Variants in C12orf56 observed in about 807,000 individuals in gnomAD.
The protein encoded by C12orf56 is uncharacterized protein C12orf56.
A neutral mutation model predicts 69.9 loss-of-function variants in C12orf56; 71 were observed. The ratio of observed to expected loss-of-function variants is 1.02; its 90% CI spans 0.84 to 1.24. The LOEUF is 1.24. Ranked by LOEUF, C12orf56 falls within the 50% of genes most tolerant of loss-of-function variation. The probability of loss-of-function intolerance (pLI) is 0.00; values close to 1 mark genes in which losing one functional copy is unlikely to be tolerated. For missense variants in C12orf56, 732 were observed against 738.5 expected (o/e 0.99, Z 0.10); for synonymous variants, 276 against 274.1 (o/e 1.01, Z -0.07).
chr12:64,279,214 C>G (rs1007426203), intron 8 of C12orf56, among the ~76,000 whole-genome samples: 4 of 152,134 alleles, frequency 2.6e-5, no homozygotes, highest in African/African-American at 9.7e-5. Context: ...GCCTCCACAC[C>G]CAACTCCACC....
chr12:64,389,841 G>A (rs1289312427), intron 1 of C12orf56, among the ~76,000 whole-genome samples: 1 of 151,946 alleles, frequency 6.6e-6, no homozygotes, highest in Non-Finnish European at 1.5e-5. Context: ...TCTAAGCATC[G>A]GGGGCAAAAA....
At chr12:64,356,174 A>AC (rs201550782) in intron 1 of C12orf56, among the ~76,000 whole-genome samples, 37 of 146,678 alleles carry the variant, frequency 2.5e-4, no homozygotes, top group East Asian at 1.6e-3. Flanking sequence ...CCATCTCAAA[A>AC]AAAAAAAAAA....
intron 8 of C12orf56, among the ~76,000 whole-genome samples, chr12:64,279,463 A>G (rs1319940690): frequency 6.6e-6 from 1 of 152,212 alleles, no homozygotes; most frequent in African/African-American, 2.4e-5. Context: ...TTTGAGGGGT[A>G]GGAGTAGTAA....
At chr12:64,328,694 AAAAAAAAAAAAAATATATATAT>A (rs1255530733) in intron 3 of C12orf56, among the ~76,000 whole-genome samples, 49 of 18,024 alleles carry the variant, frequency 2.7e-3, no homozygotes, top group African/African-American at 9.4e-3. Context: ...AAAAAAAAAA[AAAAAAAAAAAAAATATATATAT>A]ATATATATAT....
Position 64,277,713 on chromosome 12 carries a change from A to G in C12orf56, c.1401T>C (p.Asp467=), listed in dbSNP as rs2038070880. The G allele has an allele frequency of 6.3e-6, 10 of 1,596,478 alleles. No homozygotes were observed. The highest frequency in any genetic ancestry group is 1.7e-4 in the Middle Eastern group (1 of 5,994). Reference sequence around the variant, plus strand: ...CAAAAGACATTCTGACTAAAGCTGAATCAGCCACCAACTGGATATCAAACA... The same window carrying G: ...CAAAAGACATTCTGACTAAAGCTGAGTCAGCCACCAACTGGATATCAAACA... ...CPVFDIQLVA[D]SALVRMSFDA... is the part of the protein sequence containing the mutation. Residue 467 remains aspartate, a synonymous_variant, in exon 9 of 13, where the codon GAT becomes GAC. Transcript: ENST00000543942.
At chr12:64,284,563 T>C (rs2038174532) in intron 8 of C12orf56, 101 bp downstream of exon 8, 2 of 768,868 alleles carry the variant, frequency 2.6e-6, no homozygotes, top group Non-Finnish European at 4.0e-6. Context: ...GGAAGGGTGT[T>C]GAACAGGGAA....
At chr12:64,297,865 T>G (rs1289747493) in intron 6 of C12orf56, among the ~76,000 whole-genome samples, 3 of 152,242 alleles carry the variant, frequency 2.0e-5, no homozygotes, top group Non-Finnish European at 2.9e-5. Context: ...TGTGTCTTTA[T>G]AGCAACGTGA....
chr12:64,303,862 T>A, intron 5 of C12orf56, 83 bp from the exon 6 acceptor site: 4 of 1,374,914 alleles, frequency 2.9e-6, no homozygotes, highest in Non-Finnish European at 3.9e-6. Flanking sequence ...CTGTCAGGTT[T>A]GTTAAACTTT....
In C12orf56 at chr12:64,352,949, G is replaced by A. The variant is rs1386538659; in HGVS notation, c.360C>T (p.Asn120=). The A allele has an allele frequency of 6.2e-7, 1 of 1,613,146 alleles. No individual in the cohort carries two copies. Among genetic ancestry groups the A allele is most frequent in the East Asian group, 2.2e-5 (1 of 44,846 alleles). ...TVLKKECKKS[N]SVRKFLFPFH... is the part of the protein sequence containing the mutation. ...ATGGAAATAGGAATTTCCTGACACTGTTTGACTTTTTACACTCTTTTTTCA... is the reference window on the plus strand; with the variant it reads ...ATGGAAATAGGAATTTCCTGACACTATTTGACTTTTTACACTCTTTTTTCA... Residue 120 remains asparagine (N), a synonymous_variant, in exon 2 of 13, where the codon AAC becomes AAT. Coordinates refer to ENST00000543942, the MANE Select transcript of C12orf56 (RefSeq NM_001170633.2).
chr12:64,335,825 G>C lies in C12orf56; in HGVS notation c.416-4793C>G, dbSNP rs569627689. On this transcript the variant is annotated intron_variant, in intron 2 of 12. Coordinates refer to ENST00000543942, the MANE Select transcript of C12orf56 (RefSeq NM_001170633.2). Reference sequence around the variant, plus strand: ...AATATTGAGCTTGCTTTGTTCAGATGACCGAGTTGATTGGACCATGGGCAC... The same window carrying C: ...AATATTGAGCTTGCTTTGTTCAGATCACCGAGTTGATTGGACCATGGGCAC... Among the ~76,000 whole-genome samples, 3 of 152,258 alleles carry C rather than the reference G, an allele frequency of 2.0e-5. No individual in the cohort carries two copies. In the East Asian group the frequency reaches 5.8e-4, roughly 29 times the overall value.
At chr12:64,281,864 A>G (rs2038133341) in intron 8 of C12orf56, among the ~76,000 whole-genome samples, 1 of 152,212 alleles carries the variant, frequency 6.6e-6, no homozygotes, top group East Asian at 1.9e-4. Context: ...AAAACCCCAT[A>G]AAAACAATAC....
At chr12:64,384,950 A>G (rs1350067290) in intron 1 of C12orf56, among the ~76,000 whole-genome samples, 1 of 151,690 alleles carries the variant, frequency 6.6e-6, no homozygotes, top group Non-Finnish European at 1.5e-5. Flanking sequence ...GCTACCCGAG[A>G]GGCTGAGGCA....
chr12:64,356,172 A>G (rs2039312078), intron 1 of C12orf56, among the ~76,000 whole-genome samples: 1 of 103,750 alleles, frequency 9.6e-6, no homozygotes, highest in African/African-American at 3.7e-5. Context: ...CTCCATCTCA[A>G]AAAAAAAAAA....
intron 2 of C12orf56, among the ~76,000 whole-genome samples, chr12:64,337,825 C>G (rs1414814783): frequency 6.7e-6 from 1 of 149,472 alleles, no homozygotes; most frequent in African/African-American, 2.5e-5. Context: ...CCACTGCACT[C>G]CAGCCTGGGT....
intron 6 of C12orf56, among the ~76,000 whole-genome samples, chr12:64,298,129 A>G (rs1392020473): frequency 1.4e-5 from 2 of 140,556 alleles, no homozygotes; most frequent in Non-Finnish European, 3.1e-5. Flanking sequence ...CATTTCTCTA[A>G]TGACCAGTGA....
chr12:64,328,679 CAAAAAA>C (rs59688148), intron 3 of C12orf56, among the ~76,000 whole-genome samples: 8 of 57,896 alleles, frequency 1.4e-4, no homozygotes, highest in Admixed American at 6.7e-4. Context: ...GACTCCATCT[CAAAAAA>C]AAAAAAAAAA....
chr12:64,384,986 G>A (rs1038106020), intron 1 of C12orf56, among the ~76,000 whole-genome samples: 12 of 151,754 alleles, frequency 7.9e-5, no homozygotes, highest in Middle Eastern at 3.4e-3. Context: ...CTCAGGAGGT[G>A]GAAGTTGCAG....
chr12:64,363,519 TAG>T (rs2039424955), intron 1 of C12orf56, among the ~76,000 whole-genome samples: 1 of 152,140 alleles, frequency 6.6e-6, no homozygotes. Flanking sequence ...GGGCACACGC[TAG>T]GGGCCCCTTT....
At chr12:64,337,298 C>T (rs2039009439) in intron 2 of C12orf56, among the ~76,000 whole-genome samples, 1 of 152,128 alleles carries the variant, frequency 6.6e-6, no homozygotes, top group Non-Finnish European at 1.5e-5. Flanking sequence ...TTCCATTCTG[C>T]CATTCACTAC....
Sources: gnomAD v4.1 joint callset for allele counts (sites outside exome capture counted in the v4.1 genomes callset) on GRCh38, gnomAD v4.1.1 for gene constraint, MANE v1.5 for transcripts, NCBI Gene and HGNC (gene_info 2026-07-23, HGNC 2026-07-21) for gene names.